HNF4G: variants seen among roughly 807,000 people sequenced by gnomAD.
HNF4G encodes hepatocyte nuclear factor 4 gamma.
A neutral mutation model predicts 50.9 loss-of-function variants in HNF4G; 21 were observed. The ratio of observed to expected loss-of-function variants is 0.41; its 90% CI spans 0.29 to 0.59. The LOEUF (loss-of-function observed/expected upper bound fraction) is 0.59, where lower values mean the gene tolerates loss of function less well. Among genes scored for constraint, HNF4G ranks in the 20% least tolerant of loss-of-function variants. The probability of loss-of-function intolerance (pLI) is 0.26; values close to 1 mark genes in which losing one functional copy is unlikely to be tolerated. For synonymous variants in HNF4G, 198 were observed against 185.6 expected (o/e 1.07, Z -0.54); for missense variants, 527 against 559.4 (o/e 0.94, Z 0.58).
At chr8:75,494,557 T>A (rs1367090295) in intron 2 of HNF4G, among the ~76,000 whole-genome samples, 3 of 152,142 alleles carry the variant, frequency 2.0e-5, no homozygotes, top group Non-Finnish European at 4.4e-5. Context: ...TAAATAAAGA[T>A]TACACATTAA....
rs752101654 is a variant in HNF4G at position 75,539,990 on chromosome 8, G to A, written c.28G>A (p.Asp10Asn). MMRVSEPIL[D>N]MDMANYSEVL... ...GATGAGGGTATCAGAACCAATACTG[G>A]ACATGGACATGGCAAATTACAGTGA... Residue 10 changes from aspartate to asparagine, a missense_variant, in exon 1 of 10, where the codon GAC becomes AAC. Physicochemically the swap from Asp to Asn is conservative, Grantham distance 23 (BLOSUM62 1). Coordinates refer to ENST00000396423, the MANE Select transcript of HNF4G (RefSeq NM_004133.5). The A allele has an allele frequency of 2.5e-6, 4 of 1,590,226 alleles. No individual in the cohort carries two copies. Among genetic ancestry groups the A allele is most frequent in the Non-Finnish European group, 3.5e-6 (4 of 1,158,374 alleles).
chr8:75,423,137 T>A (rs1352947495), intron 1 of HNF4G, among the ~76,000 whole-genome samples: 1 of 152,220 alleles, frequency 6.6e-6, no homozygotes, highest in Non-Finnish European at 1.5e-5. Context: ...AAACTATACA[T>A]CCATTTGAAA....
intron 1 of HNF4G, among the ~76,000 whole-genome samples, chr8:75,438,409 G>T (rs528554467): frequency 2.0e-5 from 3 of 152,126 alleles, no homozygotes; most frequent in Non-Finnish European, 4.4e-5. Context: ...CCTAAAACAA[G>T]TTCTGGATAT....
chr8:75,515,288 G>A (rs1390075527), intron 2 of HNF4G, among the ~76,000 whole-genome samples: 3 of 152,096 alleles, frequency 2.0e-5, no homozygotes, highest in Non-Finnish European at 4.4e-5. Context: ...AGTTTCTTCA[G>A]TTTTTCAGTA....
intron 1 of HNF4G, among the ~76,000 whole-genome samples, chr8:75,463,078 T>C (rs537963866): frequency 2.6e-5 from 4 of 151,696 alleles, no homozygotes; most frequent in East Asian, 3.9e-4. Context: ...TTTTTTTTTT[T>C]CTGTAATGCC....
At chr8:75,558,493 T>C in intron 6 of HNF4G, 25 bp from the exon 7 acceptor site, 3 of 1,594,680 alleles carry the variant, frequency 1.9e-6, no homozygotes, top group Non-Finnish European at 2.6e-6. Flanking sequence ...TTTTGTTTTG[T>C]TTTGTTTTGT....
intron 1 of HNF4G, among the ~76,000 whole-genome samples, chr8:75,487,120 C>T (rs1381737162): frequency 6.6e-6 from 1 of 152,150 alleles, no homozygotes; most frequent in Non-Finnish European, 1.5e-5. Context: ...AATATAAATG[C>T]TTTAAAACTC....
At chr8:75,487,753 G>T (rs1812529247) in intron 1 of HNF4G, among the ~76,000 whole-genome samples, 1 of 152,038 alleles carries the variant, frequency 6.6e-6, no homozygotes, top group Admixed American at 6.6e-5. Flanking sequence ...CACAAAGATT[G>T]ACTCCTTGTA....
intron 2 of HNF4G, among the ~76,000 whole-genome samples, chr8:75,504,270 CA>C (rs1813013133): frequency 1.2e-5 from 1 of 82,846 alleles, no homozygotes; most frequent in East Asian, 3.4e-4. Flanking sequence ...CACACACACA[CA>C]CACACCAAAA....
chr8:75,429,583 T>A lies in HNF4G; in HGVS notation c.-144+21421T>A, dbSNP rs568416012. 6.6e-5 allele frequency among the ~76,000 whole-genome samples: 10 copies of A among 152,306 alleles called. No homozygotes were observed. In the South Asian group the frequency reaches 1.7e-3, roughly 25 times the overall value. On this transcript the variant is annotated intron_variant, in intron 1 of 10. Coordinates refer to the HNF4G transcript ENST00000354370. ...CTCACCATGGTTAATTAATACTCACTTCTCATAATGAAGCTGGTAGTATCT... is the reference window on the plus strand; with the variant it reads ...CTCACCATGGTTAATTAATACTCACATCTCATAATGAAGCTGGTAGTATCT...
At chr8:75,447,684 G>A (rs1439598586) in intron 1 of HNF4G, among the ~76,000 whole-genome samples, 1 of 151,990 alleles carries the variant, frequency 6.6e-6, no homozygotes, top group Non-Finnish European at 1.5e-5. Context: ...ATGAAAAAAT[G>A]CTCATCATCA....
intron 1 of HNF4G, among the ~76,000 whole-genome samples, chr8:75,541,803 A>T (rs1245058298): frequency 6.6e-6 from 1 of 152,094 alleles, no homozygotes. Flanking sequence ...TTAAAAAATA[A>T]TTATTCCTTC....
At chr8:75,497,063 T>A (rs1196618397) in intron 2 of HNF4G, among the ~76,000 whole-genome samples, 1 of 136,654 alleles carries the variant, frequency 7.3e-6, no homozygotes, top group Non-Finnish European at 1.5e-5. Context: ...TGTTTCTCAC[T>A]AGCTTTGATG....
intron 1 of HNF4G, among the ~76,000 whole-genome samples, chr8:75,422,270 C>A (rs1347839749): frequency 6.6e-6 from 1 of 152,086 alleles, no homozygotes; most frequent in Non-Finnish European, 1.5e-5. Flanking sequence ...AGTATTTTCC[C>A]CACAGTAATT....
intron 1 of HNF4G, among the ~76,000 whole-genome samples, chr8:75,440,575 G>T (rs987330328): frequency 6.6e-6 from 1 of 152,054 alleles, no homozygotes; most frequent in Non-Finnish European, 1.5e-5. Context: ...CTTTGAAATT[G>T]TTTATTTTTC....
At chr8:75,446,967 T>A (rs1407446868) in intron 1 of HNF4G, among the ~76,000 whole-genome samples, 1 of 144,096 alleles carries the variant, frequency 6.9e-6, no homozygotes, top group African/African-American at 2.7e-5. Flanking sequence ...AGAGCCCGCA[T>A]CGCCAAGCCA....
intron 6 of HNF4G, among the ~76,000 whole-genome samples, chr8:75,558,036 TAA>T (rs11288885): frequency 6.7e-6 from 1 of 149,244 alleles, no homozygotes; most frequent in Non-Finnish European, 1.5e-5. Flanking sequence ...CATGCTAATT[TAA>T]AAAAAAAAAT....
chr8:75,484,281 C>T (rs950384714), intron 1 of HNF4G, among the ~76,000 whole-genome samples: 1 of 151,948 alleles, frequency 6.6e-6, no homozygotes, highest in African/African-American at 2.4e-5. Context: ...ACAGTCATTA[C>T]GAATCATGTT....
chr8:75,424,010 C>T (rs181930921), intron 1 of HNF4G, among the ~76,000 whole-genome samples: 3 of 149,750 alleles, frequency 2.0e-5, no homozygotes, highest in Non-Finnish European at 4.5e-5. Flanking sequence ...TTTTAGTAGA[C>T]ACGGGTTTCA....
Sources: gnomAD v4.1 joint callset for allele counts (sites outside exome capture counted in the v4.1 genomes callset) on GRCh38, gnomAD v4.1.1 for gene constraint, MANE v1.5 for transcripts, NCBI Gene and HGNC (gene_info 2026-07-23, HGNC 2026-07-21) for gene names.